The following SH3GL2 variants were observed in gnomAD, a reference collection of about 807,000 sequenced individuals.
The protein encoded by SH3GL2 is SH3 domain containing GRB2 like 2, endophilin A1.
A neutral mutation model predicts 46.0 loss-of-function variants in SH3GL2; 24 were observed. The observed-to-expected ratio is 0.52, with a 90% CI of 0.38 to 0.73. The LOEUF is 0.73. Ranked by LOEUF, SH3GL2 falls within the 30% of genes least tolerant of loss-of-function variation. SH3GL2 has a pLI of 0.00. For synonymous variants in SH3GL2, 196 were observed against 147.1 expected (o/e 1.33, Z -2.40); for missense variants, 413 against 424.2 (o/e 0.97, Z 0.23).
At chr9:17,699,442 T>C (rs1337709032) in intron 1 of SH3GL2, among the ~76,000 whole-genome samples, 1 of 152,182 alleles carries the variant, frequency 6.6e-6, no homozygotes, top group Non-Finnish European at 1.5e-5. Flanking sequence ...GGATATTCTC[T>C]CCTGTGCCTA....
intron 2 of SH3GL2, among the ~76,000 whole-genome samples, chr9:17,753,637 C>T (rs4961447): frequency 0.71 from 108,088 of 151,476 alleles, 38,935 homozygotes; most frequent in East Asian, 0.82. Flanking sequence ...CTTTTTACTC[C>T]GTTGGTAGTT....
chr9:17,781,802 C>T (rs1313409177), intron 3 of SH3GL2, among the ~76,000 whole-genome samples: 1 of 152,042 alleles, frequency 6.6e-6, no homozygotes, highest in Non-Finnish European at 1.5e-5. Context: ...ACGGTTCACT[C>T]TTTCAGAAAG....
chr9:17,739,900 C>T (rs1017879604), intron 1 of SH3GL2, among the ~76,000 whole-genome samples: 1 of 152,054 alleles, frequency 6.6e-6, no homozygotes, highest in East Asian at 1.9e-4. Context: ...GAAACAGTTA[C>T]AGCATCATAC....
intron 1 of SH3GL2, among the ~76,000 whole-genome samples, chr9:17,719,669 T>G (rs989576374): frequency 6.6e-6 from 1 of 152,046 alleles, no homozygotes; most frequent in Non-Finnish European, 1.5e-5. Flanking sequence ...GGCATGCACC[T>G]GTGGTCCTGG....
At chr9:17,701,451 G>C (rs903471387) in intron 1 of SH3GL2, among the ~76,000 whole-genome samples, 1 of 152,052 alleles carries the variant, frequency 6.6e-6, no homozygotes, top group Non-Finnish European at 1.5e-5. Context: ...TATCATTTGG[G>C]GCCTCTTTGT....
chr9:17,601,113 G>A (rs1277129731), intron 1 of SH3GL2, among the ~76,000 whole-genome samples: 1 of 152,170 alleles, frequency 6.6e-6, no homozygotes, highest in Non-Finnish European at 1.5e-5. Flanking sequence ...TGTTTCTACA[G>A]CTTTTTTGCA....
intron 1 of SH3GL2, among the ~76,000 whole-genome samples, chr9:17,676,563 A>C (rs1197144665): frequency 6.6e-6 from 1 of 152,070 alleles, no homozygotes; most frequent in Non-Finnish European, 1.5e-5. Flanking sequence ...CTGAGATTGC[A>C]CCACTGCACT....
At chr9:17,759,832 A>G (rs1179199736) in intron 2 of SH3GL2, among the ~76,000 whole-genome samples, 2 of 152,162 alleles carry the variant, frequency 1.3e-5, no homozygotes, top group Non-Finnish European at 2.9e-5. Flanking sequence ...TCATAACTAC[A>G]GGATATTTAG....
intron 1 of SH3GL2, among the ~76,000 whole-genome samples, chr9:17,584,598 G>T (rs1452200377): frequency 1.3e-5 from 2 of 152,208 alleles, no homozygotes; most frequent in African/African-American, 4.8e-5. Context: ...GCTTTAGGAT[G>T]CCTGATCAAA....
intron 1 of SH3GL2, among the ~76,000 whole-genome samples, chr9:17,611,384 A>C (rs1818862956): frequency 6.6e-6 from 1 of 152,144 alleles, no homozygotes; most frequent in Non-Finnish European, 1.5e-5. Flanking sequence ...AATGCATTCT[A>C]AGGTGAAATA....
chr9:17,622,985 CGTTT>C lies in SH3GL2; in HGVS notation c.45+43699_45+43702del, dbSNP rs1264605604. On this transcript the variant is annotated intron_variant, in intron 1 of 8. Coordinates refer to ENST00000380607, the MANE Select transcript of SH3GL2 (RefSeq NM_003026.5). ...CCTCCCTTTTCCTTTCGTTTCCTTT[CGTTT>C]CCTTTCCTTTCCTTTCCTTTCCTTT... Among the ~76,000 whole-genome samples the C allele has an allele frequency of 2.4e-3, 210 of 87,574 alleles. 4 individuals are homozygous for C. The highest frequency in any genetic ancestry group is 8.3e-3 in the African/African-American group (173 of 20,830). The allele number at this position is 87,574 out of a possible 152,430, so 57.5% of individuals were successfully genotyped here.
chr9:17,665,208 C>G (rs911450481), intron 1 of SH3GL2, among the ~76,000 whole-genome samples: 3 of 152,114 alleles, frequency 2.0e-5, no homozygotes, highest in African/African-American at 7.2e-5. Flanking sequence ...TCTTATATAA[C>G]CATAGTACAG....
chr9:17,709,680 TACACACACACACAC>T (rs3837228), intron 1 of SH3GL2, among the ~76,000 whole-genome samples: 12 of 148,276 alleles, frequency 8.1e-5, no homozygotes, highest in Middle Eastern at 3.4e-3. Flanking sequence ...TTATTTGTAT[TACACACACACACAC>T]ACACACACAC....
chr9:17,688,189 G>A (rs1162026629), intron 1 of SH3GL2, among the ~76,000 whole-genome samples: 1 of 151,986 alleles, frequency 6.6e-6, no homozygotes, highest in African/African-American at 2.4e-5. Context: ...AAGATTATCT[G>A]GTTCTAACCA....
At chr9:17,671,916 A>G (rs1480449988) in intron 1 of SH3GL2, among the ~76,000 whole-genome samples, 1 of 152,182 alleles carries the variant, frequency 6.6e-6, no homozygotes. Flanking sequence ...GTCTCATAAT[A>G]ATTGTGTTAC....
At chr9:17,651,186 A>G (rs541064686) in intron 1 of SH3GL2, among the ~76,000 whole-genome samples, 2 of 152,102 alleles carry the variant, frequency 1.3e-5, no homozygotes, top group Admixed American at 1.3e-4. Context: ...CTTGAAAAAA[A>G]TGTCTAAGCC....
At position 17,795,947 on chromosome 9, in the gene SH3GL2, A is replaced by G; in HGVS notation, c.*204A>G. 1.8e-6 allele frequency: 1 copy of G among 557,880 alleles called. No individual in the cohort carries two copies. Among genetic ancestry groups the G allele is most frequent in the East Asian group, 2.8e-5 (1 of 35,596 alleles). 34.6% of individuals were successfully genotyped at this position (557,880 alleles called of 1,614,324 possible). A position where few individuals can be genotyped will look rare whatever the true frequency, so the allele number is the denominator to read the frequency against. On this transcript the variant is annotated 3_prime_UTR_variant, in exon 9 of 9. Coordinates refer to ENST00000380607, the MANE Select transcript of SH3GL2 (RefSeq NM_003026.5). ...ATCCTCTTAGCCTGGTGGGCGTGGC[A>G]TGTGCTTTTTAAAACATCATCTGAG...
chr9:17,617,244 C>T (rs1242549125), intron 1 of SH3GL2, among the ~76,000 whole-genome samples: 1 of 152,074 alleles, frequency 6.6e-6, no homozygotes, highest in Non-Finnish European at 1.5e-5. Context: ...CCAGTTTGCT[C>T]CTTTGAACAA....
At chr9:17,714,300 T>G (rs1821699114) in intron 1 of SH3GL2, among the ~76,000 whole-genome samples, 2 of 151,772 alleles carry the variant, frequency 1.3e-5, no homozygotes. Context: ...GTCTTCATCT[T>G]TTATCCAATC....
Sources: gnomAD v4.1 joint callset for allele counts (sites outside exome capture counted in the v4.1 genomes callset) on GRCh38, gnomAD v4.1.1 for gene constraint, MANE v1.5 for transcripts, NCBI Gene and HGNC (gene_info 2026-07-23, HGNC 2026-07-21) for gene names.